Variants in SHC4 observed in about 807,000 individuals in gnomAD.
SHC4 encodes the protein SHC-transforming protein 4.
A neutral mutation model predicts 69.4 loss-of-function variants in SHC4; 41 were observed. That is an observed-to-expected ratio of 0.59 (90% confidence interval 0.46 to 0.77). The LOEUF is 0.77. Ranked by LOEUF, SHC4 falls within the 30% of genes least tolerant of loss-of-function variation. The pLI is 0.00. For missense variants in SHC4, 777 were observed against 783.8 expected (o/e 0.99, Z 0.10); for synonymous variants, 318 against 299.3 (o/e 1.06, Z -0.64).
intron 11 of SHC4, 28 bp downstream of exon 11, chr15:48,834,741 G>A: frequency 1.2e-6 from 2 of 1,611,100 alleles, no homozygotes; most frequent in Non-Finnish European, 1.7e-6. Flanking sequence ...AACATCCTGT[G>A]AAACCTCTAA....
chr15:48,842,831 T>C (rs1276523495), intron 10 of SHC4, among the ~76,000 whole-genome samples: 1 of 151,960 alleles, frequency 6.6e-6, no homozygotes, highest in African/African-American at 2.4e-5. Flanking sequence ...CTCAGGAGGC[T>C]GAGATGAGAG....
At chr15:48,936,277 T>C (rs911604600) in intron 1 of SHC4, among the ~76,000 whole-genome samples, 1 of 152,216 alleles carries the variant, frequency 6.6e-6, no homozygotes, top group Non-Finnish European at 1.5e-5. Context: ...CCAGGAAATT[T>C]CAACCCTGTA....
In SHC4 at chr15:48,866,844, G is replaced by A. The variant is rs1376185861; in HGVS notation, c.946+974C>T. 3.9e-5 allele frequency among the ~76,000 whole-genome samples: 6 copies of A among 152,294 alleles called. No homozygotes were observed. In the East Asian group the frequency reaches 7.7e-4, roughly 20 times the overall value. On this transcript the variant is annotated intron_variant, in intron 6 of 11. Coordinates refer to ENST00000332408, the MANE Select transcript of SHC4 (RefSeq NM_203349.4). ...GCAGAGGATGTGGCCCAACCAATAC[G>A]TTCTAGTTAAGGAGGAACCTAACAC...
intron 1 of SHC4, among the ~76,000 whole-genome samples, 169 bp downstream of exon 1, chr15:48,962,262 T>G (rs978389910): frequency 1.3e-5 from 2 of 152,202 alleles, no homozygotes; most frequent in African/African-American, 4.8e-5. Context: ...ACAAGTCAGA[T>G]AGTTGTAGGG....
chr15:48,857,656 A>C (rs752639156), intron 7 of SHC4, 36 bp downstream of exon 7: 13 of 1,554,162 alleles, frequency 8.4e-6, no homozygotes, highest in Admixed American at 1.9e-5. Flanking sequence ...ACACATATAT[A>C]TATATTGTCA....
At chr15:48,910,819 G>T (rs537010001) in intron 2 of SHC4, among the ~76,000 whole-genome samples, 3 of 152,060 alleles carry the variant, frequency 2.0e-5, no homozygotes, top group Non-Finnish European at 4.4e-5. Flanking sequence ...TTTCGTTTTT[G>T]ACCCAAATGC....
intron 8 of SHC4, among the ~76,000 whole-genome samples, chr15:48,852,052 C>T (rs1899224182): frequency 6.6e-6 from 1 of 152,138 alleles, no homozygotes; most frequent in South Asian, 2.1e-4. Context: ...CATCAATAAA[C>T]CTGAGTAAAT....
In SHC4 at chr15:48,829,966, T is replaced by G. The variant is rs565879699; in HGVS notation, c.1738-3840A>C. Among the ~76,000 whole-genome samples, 29 of 152,310 alleles carry G rather than the reference T, an allele frequency of 1.9e-4. No homozygotes were observed. In the South Asian group the frequency reaches 3.9e-3, roughly 21 times the overall value. On this transcript the variant is annotated intron_variant, in intron 11 of 11. Transcript: ENST00000332408. ...AAGTGAGTTTCTTATAGATAGCATG[T>G]AGTTGGAGCTTGTTTTTTTTTAATC...
intron 10 of SHC4, among the ~76,000 whole-genome samples, chr15:48,839,229 G>T (rs868495989): frequency 1.3e-5 from 2 of 152,280 alleles, no homozygotes; most frequent in Middle Eastern, 3.4e-3. Context: ...ACACGGAACT[G>T]CCTCTAAGCT....
chr15:48,824,858 G>A lies in SHC4; in HGVS notation c.*1113C>T, dbSNP rs2140959697. ...AGCGTAATGCTTTTCTGTACACCAT[G>A]CTTAATCACTCTGTTAGTTTACCAG... On this transcript the variant is annotated 3_prime_UTR_variant, in exon 12 of 12. Transcript: ENST00000332408. 2.6e-5 allele frequency: 4 copies of A among 152,656 alleles called. No homozygotes were observed. The Middle Eastern group carries it at 0.014, about 519-fold the overall frequency. The allele number at this position is 152,656 out of a possible 1,614,324, so 9.5% of individuals were successfully genotyped here.
At chr15:48,923,792 AC>A (rs1900796255) in intron 2 of SHC4, among the ~76,000 whole-genome samples, 2 of 151,908 alleles carry the variant, frequency 1.3e-5, no homozygotes, top group African/African-American at 4.8e-5. Context: ...GGCATGTGCT[AC>A]CGTGCCTGGC....
chr15:48,960,744 A>G (rs762095084), intron 1 of SHC4, among the ~76,000 whole-genome samples: 1 of 152,222 alleles, frequency 6.6e-6, no homozygotes, highest in Non-Finnish European at 1.5e-5. Context: ...GTCTACCTAC[A>G]TATTAGCATT....
In SHC4 at chr15:48,884,263, A is replaced by T; in HGVS notation, c.825T>A (p.Asn275Lys). 1 of 1,599,524 alleles carries T rather than the reference A, an allele frequency of 6.3e-7. No homozygotes were observed. Among genetic ancestry groups the T allele is most frequent in the East Asian group, 2.3e-5 (1 of 44,416 alleles). The change falls in exon 4 of 12, where the codon AAT (asparagine) becomes AAA (lysine). Residue 275 changes from asparagine (N) to lysine (K), a missense_variant. Coordinates refer to ENST00000332408, the MANE Select transcript of SHC4 (RefSeq NM_203349.4). ...TISTCSLTLM[N>K]LDNQQIIANH... ...GTGATCTTACCTGTTGGTTGTCAAG[A>T]TTCATCAATGTGAGACTGCATGTTG...
At position 48,855,978 on chromosome 15, in the gene SHC4, A is replaced by G. The variant is rs761295073; in HGVS notation, c.1217T>C (p.Ile406Thr). ...CAAATAGCACAACTTTTCACACTGT[A>G]TGGGGCAGTAAGCCATTTGTTCCGT... ...QATEQMAYCPIQCEKLCYLPG... is the reference protein window; with the variant it reads ...QATEQMAYCPTQCEKLCYLPG... The change falls in exon 8 of 12, where the codon ATA (isoleucine) becomes ACA (threonine). Residue 406 changes from isoleucine to threonine, a missense_variant. Transcript: ENST00000332408. 8.7e-6 allele frequency: 14 copies of G among 1,613,598 alleles called. No homozygotes were observed. In the South Asian group the frequency reaches 9.9e-5, roughly 11 times the overall value.
rs953455733 is a variant in SHC4, at chr15:48,877,638, T to C, written c.841-5496A>G. The C allele has an allele frequency of 4.9e-6, 3 of 608,330 alleles. No individual in the cohort carries two copies. In the African/African-American group the frequency reaches 6.4e-5, roughly 13 times the overall value. 37.7% of individuals were successfully genotyped at this position (608,330 alleles called of 1,614,324 possible). ...GGACCAAGTATTTCTTCACTATAAC[T>C]AAAAAAAAAAAAAGTACAATATATC... is the stretch of plus-strand genomic sequence containing the variant. On this transcript the variant is annotated intron_variant, in intron 4 of 11. Coordinates refer to ENST00000332408, the MANE Select transcript of SHC4 (RefSeq NM_203349.4).
At chr15:48,945,330 A>T (rs1184332100) in intron 1 of SHC4, among the ~76,000 whole-genome samples, 1 of 151,060 alleles carries the variant, frequency 6.6e-6, no homozygotes, top group Non-Finnish European at 1.5e-5. Context: ...AGAAAAAAAA[A>T]AAAAGGAGAT....
At chr15:48,873,736 G>A (rs1291480366) in intron 4 of SHC4, among the ~76,000 whole-genome samples, 3 of 150,398 alleles carry the variant, frequency 2.0e-5, no homozygotes, top group Non-Finnish European at 4.4e-5. Flanking sequence ...GCGAGACTCC[G>A]TCTCAAAAAA....
At chr15:48,841,052 TTGC>T (rs1898980528) in intron 10 of SHC4, among the ~76,000 whole-genome samples, 1 of 152,112 alleles carries the variant, frequency 6.6e-6, no homozygotes. Context: ...TATTATTGAA[TTGC>T]CTATGACAAA....
intron 1 of SHC4, among the ~76,000 whole-genome samples, chr15:48,955,320 A>G (rs1397355693): frequency 6.6e-6 from 1 of 152,180 alleles, no homozygotes; most frequent in Middle Eastern, 3.2e-3. Flanking sequence ...AAGTGAGTGA[A>G]GCTGGGTAGG....
Sources: gnomAD v4.1 joint callset for allele counts (sites outside exome capture counted in the v4.1 genomes callset) on GRCh38, gnomAD v4.1.1 for gene constraint, MANE v1.5 for transcripts, NCBI Gene and HGNC (gene_info 2026-07-23, HGNC 2026-07-21) for gene names.